Variants in C1QTNF7 observed in about 807,000 individuals in gnomAD.
C1QTNF7 encodes C1q and TNF related 7, also known as complement C1q tumor necrosis factor-related protein 7.
C1QTNF7 carries 15 observed loss-of-function variants against 19.6 expected under a neutral mutation model. The observed-to-expected ratio is 0.76, with a 90% confidence interval of 0.51 to 1.18. C1QTNF7 has a LOEUF of 1.18. C1QTNF7 is among the 50% of genes most tolerant of loss of function. C1QTNF7 has a pLI of 0.00. For synonymous variants in C1QTNF7, 142 were observed against 137.5 expected, an observed-to-expected ratio of 1.03 and a Z score of -0.23; for missense variants, 324 against 359.7, an observed-to-expected ratio of 0.90 and a Z score of 0.80.
chr4:15,350,578 T>G (rs1449629760), intron 1 of C1QTNF7, among the ~76,000 whole-genome samples: 1 of 152,196 alleles, frequency 6.6e-6, no homozygotes, highest in Non-Finnish European at 1.5e-5. Context: ...CACTTTCTGC[T>G]GAACATAGAA....
Position 15,443,265 on chromosome 4 carries a change from T to C in C1QTNF7, c.*466T>C, listed in dbSNP as rs1186824714. ...ATTTTTCAAGCAAGCTACAGAGAAATGATAAATGTTTTTTGTTTTATTATT... is the reference window on the plus strand; with the variant it reads ...ATTTTTCAAGCAAGCTACAGAGAAACGATAAATGTTTTTTGTTTTATTATT... On this transcript the variant is annotated 3_prime_UTR_variant, in exon 3 of 3. Coordinates refer to ENST00000444304, the MANE Select transcript of C1QTNF7 (RefSeq NM_031911.5). 1 of 153,464 alleles carries C rather than the reference T, an allele frequency of 6.5e-6. No homozygotes were observed. Among genetic ancestry groups the C allele is most frequent in the African/African-American group, 2.4e-5 (1 of 41,460 alleles). The allele number at this position is 153,464 out of a possible 1,614,324, so 9.5% of individuals were successfully genotyped here. A position where few individuals can be genotyped will look rare whatever the true frequency, so the allele number is the denominator to read the frequency against.
chr4:15,381,437 T>A, intron 1 of C1QTNF7, among the ~76,000 whole-genome samples: 4 of 135,164 alleles, frequency 3.0e-5, no homozygotes, highest in South Asian at 2.4e-4. Context: ...AAAAAAAAAA[T>A]TGTGAACATG....
intron 1 of C1QTNF7, among the ~76,000 whole-genome samples, chr4:15,428,882 TC>T (rs1712177034): frequency 6.6e-6 from 1 of 152,206 alleles, no homozygotes; most frequent in South Asian, 2.1e-4. Flanking sequence ...CTTAATGATT[TC>T]CAGGCAAAGC....
chr4:15,397,732 T>G (rs1718839541), intron 1 of C1QTNF7, among the ~76,000 whole-genome samples: 1 of 152,114 alleles, frequency 6.6e-6, no homozygotes, highest in African/African-American at 2.4e-5. Context: ...TTCTGAGAAA[T>G]AAAAAAGAGC....
exon 1 of C1QTNF7, chr4:15,340,202 G>A (rs908657657): frequency 2.9e-5 from 45 of 1,551,616 alleles, no homozygotes; most frequent in Non-Finnish European, 3.4e-5. Context: ...GCAATGTCCA[G>A]ACAAGGTAAG....
At chr4:15,393,069 C>T (rs993661686) in intron 1 of C1QTNF7, among the ~76,000 whole-genome samples, 4 of 152,098 alleles carry the variant, frequency 2.6e-5, no homozygotes, top group Non-Finnish European at 4.4e-5. Flanking sequence ...GGGGGTGGTT[C>T]CCCCCATACT....
At chr4:15,361,966 A>C (rs1717358023) in intron 1 of C1QTNF7, among the ~76,000 whole-genome samples, 1 of 152,120 alleles carries the variant, frequency 6.6e-6, no homozygotes, top group Non-Finnish European at 1.5e-5. Context: ...GTTCTGCTGC[A>C]TTCCTCCCCT....
chr4:15,433,134 C>A (rs899233580), intron 1 of C1QTNF7, among the ~76,000 whole-genome samples: 1 of 152,160 alleles, frequency 6.6e-6, no homozygotes, highest in Non-Finnish European at 1.5e-5. Flanking sequence ...CAGCCAATAG[C>A]CTTGCACCCC....
At chr4:15,389,354 CA>C (rs967416341) in intron 1 of C1QTNF7, among the ~76,000 whole-genome samples, 1 of 152,106 alleles carries the variant, frequency 6.6e-6, no homozygotes, top group African/African-American at 2.4e-5. Flanking sequence ...GGGGTCTACA[CA>C]AACCATGACA....
chr4:15,382,788 C>A (rs977881308), intron 1 of C1QTNF7, among the ~76,000 whole-genome samples: 2 of 152,204 alleles, frequency 1.3e-5, no homozygotes, highest in Non-Finnish European at 1.5e-5. Context: ...TGTTTCCCTT[C>A]CATACTGTTA....
intron 1 of C1QTNF7, among the ~76,000 whole-genome samples, chr4:15,395,789 C>T (rs1242357208): frequency 3.3e-5 from 5 of 152,146 alleles, no homozygotes; most frequent in Non-Finnish European, 1.5e-5. Flanking sequence ...CTTTGAAACA[C>T]ATATTAGTAT....
At chr4:15,376,704 C>G (rs1717953135) in intron 1 of C1QTNF7, among the ~76,000 whole-genome samples, 1 of 152,164 alleles carries the variant, frequency 6.6e-6, no homozygotes, top group Admixed American at 6.5e-5. Flanking sequence ...TAGAGAAAGT[C>G]CACATTTTAA....
chr4:15,362,619 C>T (rs1717383341), intron 1 of C1QTNF7: 1 of 152,154 alleles, frequency 6.6e-6, no homozygotes, highest in African/African-American at 2.4e-5. Flanking sequence ...TCCTCTTCCC[C>T]CATTAATGGC....
intron 1 of C1QTNF7, among the ~76,000 whole-genome samples, chr4:15,416,679 A>C (rs1186881417): frequency 6.6e-6 from 1 of 152,256 alleles, no homozygotes; most frequent in Non-Finnish European, 1.5e-5. Flanking sequence ...CTGATGTCTC[A>C]GACAACCCCT....
intron 1 of C1QTNF7, among the ~76,000 whole-genome samples, chr4:15,341,730 C>G (rs1322987287): frequency 6.6e-6 from 1 of 152,232 alleles, no homozygotes; most frequent in Non-Finnish European, 1.5e-5. Flanking sequence ...CATCCCCAGG[C>G]TGGTCGGGGA....
chr4:15,435,241 T>G (rs1030345762), intron 1 of C1QTNF7, among the ~76,000 whole-genome samples: 17 of 152,172 alleles, frequency 1.1e-4, no homozygotes, highest in Non-Finnish European at 2.1e-4. Flanking sequence ...CATTGTCAAG[T>G]GAAAGAAGTT....
chr4:15,435,621 C>T, intron 1 of C1QTNF7, 115 bp from the exon 2 acceptor site: 3 of 1,431,418 alleles, frequency 2.1e-6, no homozygotes, highest in Admixed American at 4.2e-5. Context: ...GAAAGACGAA[C>T]ACTGGAGTGA....
At chr4:15,440,985 T>A (rs764401788) in intron 2 of C1QTNF7, among the ~76,000 whole-genome samples, 13 of 151,776 alleles carry the variant, frequency 8.6e-5, no homozygotes. Context: ...CTACTAAAAA[T>A]ACAAAAATTA....
chr4:15,442,943 A>C lies in C1QTNF7; in HGVS notation c.*144A>C. 1 of 845,492 alleles carries C rather than the reference A, an allele frequency of 1.2e-6. No individual in the cohort carries two copies. Among genetic ancestry groups the C allele is most frequent in the Non-Finnish European group, 1.7e-6 (1 of 583,016 alleles). The allele number at this position is 845,492 out of a possible 1,614,324, so 52.4% of individuals were successfully genotyped here. On this transcript the variant is annotated 3_prime_UTR_variant, in exon 3 of 3. Transcript: ENST00000444304. The stretch of plus-strand genomic sequence containing the variant: ...TTCTAGCAGAATTTATCAAAACAAG[A>C]TGAAACACAGAAAAGTTGAAACCAC...
Sources: gnomAD v4.1 joint callset for allele counts (sites outside exome capture counted in the v4.1 genomes callset) on GRCh38, gnomAD v4.1.1 for gene constraint, MANE v1.5 for transcripts, NCBI Gene and HGNC (gene_info 2026-07-23, HGNC 2026-07-21) for gene names.